CADM1: variants seen among roughly 807,000 people sequenced by gnomAD.
CADM1 encodes the protein TSLC-1.
A neutral mutation model predicts 53.1 loss-of-function variants in CADM1; 15 were observed. The observed-to-expected ratio is 0.28, with a 90% CI of 0.19 to 0.44. The LOEUF (loss-of-function observed/expected upper bound fraction) is 0.44. Ranked by LOEUF, CADM1 falls within the 20% of genes least tolerant of loss-of-function variation. The pLI is 1.00. For synonymous variants in CADM1, 281 were observed against 243.0 expected, an observed-to-expected ratio of 1.16 and a Z score of -1.45; for missense variants, 434 against 611.3, an observed-to-expected ratio of 0.71 and a Z score of 3.06.
intron 1 of CADM1, among the ~76,000 whole-genome samples, chr11:115,295,524 A>ATAT (rs1944038000): frequency 1.3e-5 from 1 of 77,396 alleles, no homozygotes; most frequent in Non-Finnish European, 2.1e-5. Flanking sequence ...ATATATATAT[A>ATAT]TATATATATA....
At chr11:115,348,844 C>A (rs911063632) in intron 1 of CADM1, among the ~76,000 whole-genome samples, 2 of 152,094 alleles carry the variant, frequency 1.3e-5, no homozygotes, top group Non-Finnish European at 2.9e-5. Flanking sequence ...ACAGGAGGGT[C>A]ATCTGGGCAA....
chr11:115,223,973 A>AAGAGAGAGAGAGAG (rs1555043883), intron 5 of CADM1, among the ~76,000 whole-genome samples: 134 of 92,476 alleles, frequency 1.4e-3, no homozygotes, highest in Admixed American at 3.4e-3. Flanking sequence ...AAAAAAAAAA[A>AAGAGAGAGAGAGAG]AGAGAGAGAG....
chr11:115,333,860 T>C lies in CADM1; in HGVS notation c.125-93440A>G, dbSNP rs1029102071. ...GAGTGCAGCTGTCCCTACACACAAC[T>C]GTTAGAAAAGAACAGGTTATTTTGA... On this transcript the variant is annotated intron_variant, in intron 1 of 11. Transcript: ENST00000331581. Among the ~76,000 whole-genome samples, 4 of 152,166 alleles carry C rather than the reference T, an allele frequency of 2.6e-5. No homozygotes were observed. In the East Asian group the frequency reaches 7.7e-4, roughly 29 times the overall value.
chr11:115,178,867 T>C, intron 10 of CADM1, 92 bp from the exon 11 acceptor site: 1 of 1,399,312 alleles, frequency 7.1e-7, no homozygotes, highest in Non-Finnish European at 1.0e-6. Context: ...GAGGGTCACC[T>C]TCTTTTTTAA....
At chr11:115,299,554 AG>A (rs1259631404) in intron 1 of CADM1, among the ~76,000 whole-genome samples, 1 of 152,202 alleles carries the variant, frequency 6.6e-6, no homozygotes, top group Admixed American at 6.5e-5. Flanking sequence ...GATGTTTAAA[AG>A]GTATGTCCTG....
chr11:115,423,327 T>C (rs1947807764), intron 1 of CADM1, among the ~76,000 whole-genome samples: 1 of 152,206 alleles, frequency 6.6e-6, no homozygotes, highest in South Asian at 2.1e-4. Context: ...TAAGTGCTTT[T>C]AACATTCATC....
At chr11:115,392,959 G>C (rs1946875849) in intron 1 of CADM1, among the ~76,000 whole-genome samples, 2 of 151,488 alleles carry the variant, frequency 1.3e-5, no homozygotes, top group Non-Finnish European at 2.9e-5. Context: ...CCTGGGCCCA[G>C]GGAGGATCTC....
chr11:115,303,920 A>T (rs1944298972), intron 1 of CADM1, among the ~76,000 whole-genome samples: 1 of 152,022 alleles, frequency 6.6e-6, no homozygotes, highest in African/African-American at 2.4e-5. Context: ...CTTCCTATAC[A>T]ATCCCCTAGG....
chr11:115,493,257 A>C (rs926126903), intron 1 of CADM1, among the ~76,000 whole-genome samples: 1 of 151,612 alleles, frequency 6.6e-6, no homozygotes, highest in Non-Finnish European at 1.5e-5. Flanking sequence ...AACATACCAT[A>C]CTGAACCCAT....
intron 1 of CADM1, among the ~76,000 whole-genome samples, chr11:115,245,547 G>A (rs1942381128): frequency 6.6e-6 from 1 of 152,176 alleles, no homozygotes; most frequent in Admixed American, 6.5e-5. Flanking sequence ...TTACAACCCT[G>A]TTCAGGGTGG....
intron 1 of CADM1, among the ~76,000 whole-genome samples, chr11:115,500,339 A>G (rs1029785479): frequency 6.6e-6 from 1 of 152,218 alleles, no homozygotes; most frequent in Non-Finnish European, 1.5e-5. Context: ...TAAAATGTAA[A>G]TTCTAAGTGA....
intron 1 of CADM1, among the ~76,000 whole-genome samples, chr11:115,381,293 CAA>C (rs35733611): frequency 9.5e-4 from 110 of 115,778 alleles, no homozygotes; most frequent in Admixed American, 8.2e-4. Context: ...GACTCCATCT[CAA>C]AAAAAAAAAA....
intron 4 of CADM1, among the ~76,000 whole-genome samples, chr11:115,230,859 T>G (rs1000822689): frequency 6.6e-6 from 1 of 152,334 alleles, no homozygotes; most frequent in Admixed American, 6.5e-5. Context: ...GGAAAGCATA[T>G]AGTCAACACA....
intron 1 of CADM1, among the ~76,000 whole-genome samples, chr11:115,384,707 A>G (rs1024717642): frequency 1.1e-4 from 17 of 152,218 alleles, no homozygotes; most frequent in African/African-American, 3.9e-4. Flanking sequence ...CACACTTGTG[A>G]TAAGGCATTT....
chr11:115,432,306 C>T lies in CADM1; in HGVS notation c.124+71965G>A, dbSNP rs190723678. On this transcript the variant is annotated intron_variant, in intron 1 of 11. Coordinates refer to ENST00000331581, the MANE Select transcript of CADM1 (RefSeq NM_001301043.2). Reference sequence around the variant, plus strand: ...AGCATGAGGGCCAAGTCTGCTTTCGCTCACCATTGTCCCTTTCTCCCCATC... The same window carrying T: ...AGCATGAGGGCCAAGTCTGCTTTCGTTCACCATTGTCCCTTTCTCCCCATC... 1.7e-4 allele frequency among the ~76,000 whole-genome samples: 26 copies of T among 152,296 alleles called. No homozygotes were observed. In the East Asian group the frequency reaches 3.7e-3, roughly 21 times the overall value.
intron 1 of CADM1, among the ~76,000 whole-genome samples, chr11:115,265,725 A>G (rs1200322455): frequency 1.3e-5 from 2 of 152,204 alleles, no homozygotes; most frequent in Admixed American, 6.5e-5. Context: ...TCATAAAAAG[A>G]GATACACACA....
At chr11:115,297,365 A>T (rs186527965) in intron 1 of CADM1, among the ~76,000 whole-genome samples, 3 of 152,296 alleles carry the variant, frequency 2.0e-5, no homozygotes, top group African/African-American at 7.2e-5. Flanking sequence ...CAGGAACAAG[A>T]TTGTATAAAA....
intron 8 of CADM1, among the ~76,000 whole-genome samples, chr11:115,204,711 C>T (rs1940596884): frequency 6.6e-6 from 1 of 152,164 alleles, no homozygotes; most frequent in Admixed American, 6.5e-5. Context: ...GTTCTGGTGT[C>T]AAGTTTCCCC....
At chr11:115,216,701 A>G (rs11215424) in intron 6 of CADM1, among the ~76,000 whole-genome samples, 30,237 of 152,168 alleles carry the variant, frequency 0.2, 3,758 homozygotes, top group South Asian at 0.35. Context: ...TTAAAACTCC[A>G]CATGGTTAGC....
Sources: gnomAD v4.1 joint callset for allele counts (sites outside exome capture counted in the v4.1 genomes callset) on GRCh38, gnomAD v4.1.1 for gene constraint, MANE v1.5 for transcripts, NCBI Gene and HGNC (gene_info 2026-07-23, HGNC 2026-07-21) for gene names.